The following FHIT variants were observed in gnomAD, a reference collection of about 807,000 sequenced individuals.
FHIT encodes bis(5'-adenosyl)-triphosphatase.
FHIT carries 19 observed loss-of-function variants against 17.9 expected under a neutral mutation model. The ratio of observed to expected loss-of-function variants is 1.06; its 90% CI spans 0.74 to 1.56. FHIT has a LOEUF of 1.56. Among genes scored for constraint, FHIT ranks in the 40% most tolerant of loss-of-function variants. The probability of loss-of-function intolerance (pLI) is 0.00; values close to 1 mark genes in which losing one functional copy is unlikely to be tolerated. For synonymous variants in FHIT, 81 were observed against 69.7 expected (o/e 1.16, Z -0.81); for missense variants, 248 against 189.2 (o/e 1.31, Z -1.82).
rs371088585 is a variant in FHIT, at chr3:60,554,448, C to G, written c.-17-17469G>C. Among the ~76,000 whole-genome samples, 10 of 152,242 alleles carry G rather than the reference C, an allele frequency of 6.6e-5. No homozygotes were observed. In the South Asian group the frequency reaches 1.0e-3, roughly 16 times the overall value. On this transcript the variant is annotated intron_variant, in intron 4 of 9. Transcript: ENST00000492590. ...AGTCTCTATACCATCAAAAAATCCA[C>G]AGATATCACAGATATTCATCTCCAT...
chr3:59,801,057 T>A (rs977235252), intron 8 of FHIT, among the ~76,000 whole-genome samples: 3 of 152,112 alleles, frequency 2.0e-5, no homozygotes, highest in Non-Finnish European at 4.4e-5. Flanking sequence ...AACATTAGAC[T>A]TTTGTGAAAC....
chr3:61,034,502 C>T (rs916471731), intron 3 of FHIT, among the ~76,000 whole-genome samples: 11 of 152,196 alleles, frequency 7.2e-5, no homozygotes, highest in East Asian at 1.9e-4. Context: ...CCAGAAAAAA[C>T]ATGCAAATAG....
chr3:60,036,457 C>T (rs1419645491), intron 5 of FHIT, among the ~76,000 whole-genome samples: 1 of 152,188 alleles, frequency 6.6e-6, no homozygotes, highest in Non-Finnish European at 1.5e-5. Context: ...TTGAACAAGG[C>T]TGTCTGTATA....
chr3:60,263,553 G>A (rs530464516), intron 5 of FHIT, among the ~76,000 whole-genome samples: 5 of 151,794 alleles, frequency 3.3e-5, no homozygotes, highest in Non-Finnish European at 7.4e-5. Context: ...AGGAGAAAAG[G>A]CCCCAGGAAC....
In FHIT at chr3:60,779,592, CT is replaced by C. The variant is rs1223011573; in HGVS notation, c.-18+42326del. Among the ~76,000 whole-genome samples, 3 of 152,134 alleles carry C rather than the reference CT, an allele frequency of 2.0e-5. No individual in the cohort carries two copies. In the East Asian group the frequency reaches 5.8e-4, roughly 29 times the overall value. On this transcript the variant is annotated intron_variant, in intron 4 of 9. Coordinates refer to ENST00000492590, the MANE Select transcript of FHIT (RefSeq NM_002012.4). ...TTATCTGGGTGTGTCACAAGACATC[CT>C]TTTCTCTCTCTTGTTGGAGGAGAAC...
At chr3:60,300,011 T>C (rs1708382927) in intron 5 of FHIT, among the ~76,000 whole-genome samples, 1 of 152,086 alleles carries the variant, frequency 6.6e-6, no homozygotes, top group African/African-American at 2.4e-5. Flanking sequence ...CTCTGTCAGC[T>C]AAGGGTTACT....
At chr3:60,624,860 A>G (rs565944816) in intron 4 of FHIT, among the ~76,000 whole-genome samples, 7 of 151,748 alleles carry the variant, frequency 4.6e-5, no homozygotes, top group East Asian at 3.9e-4. Context: ...ATGTTTGTCC[A>G]TTCAGAAATT....
At chr3:60,507,733 T>A (rs1185677238) in intron 5 of FHIT, among the ~76,000 whole-genome samples, 1 of 152,150 alleles carries the variant, frequency 6.6e-6, no homozygotes, top group Non-Finnish European at 1.5e-5. Context: ...GTCCTTGTGT[T>A]CTCATCATTT....
At position 60,019,928 on chromosome 3, in the gene FHIT, C is replaced by T. The variant is rs117664485; in HGVS notation, c.104-5776G>A. On this transcript the variant is annotated intron_variant, in intron 5 of 9. Transcript: ENST00000492590. Reference sequence around the variant, plus strand: ...TCTGCCACTATTTTCCAATGGTAAACTTATGGCAGAATAATCGACCACAGA... The same window carrying T: ...TCTGCCACTATTTTCCAATGGTAAATTTATGGCAGAATAATCGACCACAGA... 2.6e-4 allele frequency among the ~76,000 whole-genome samples: 39 copies of T among 152,304 alleles called. No homozygotes were observed. The East Asian group carries it at 6.8e-3, about 26-fold the overall frequency.
intron 3 of FHIT, among the ~76,000 whole-genome samples, chr3:61,034,073 A>T (rs2033131066): frequency 6.6e-6 from 1 of 152,192 alleles, no homozygotes; most frequent in South Asian, 2.1e-4. Flanking sequence ...CATGCCAAGA[A>T]TAAAGCTGGA....
chr3:60,125,463 C>T (rs1705498615), intron 5 of FHIT, among the ~76,000 whole-genome samples: 1 of 151,992 alleles, frequency 6.6e-6, no homozygotes. Context: ...GAAACCCCAT[C>T]TCTACTAAAA....
At chr3:60,589,041 C>G (rs2037996303) in intron 4 of FHIT, among the ~76,000 whole-genome samples, 1 of 152,026 alleles carries the variant, frequency 6.6e-6, no homozygotes, top group African/African-American at 2.4e-5. Flanking sequence ...CCTATGGGTT[C>G]TACCGGGCAG....
intron 4 of FHIT, among the ~76,000 whole-genome samples, chr3:60,614,722 T>C (rs1553675002): frequency 1.3e-5 from 2 of 151,890 alleles, no homozygotes; most frequent in Non-Finnish European, 2.9e-5. Flanking sequence ...CCCATCCTAC[T>C]GGACCTGAAG....
At chr3:61,097,977 G>A (rs2035695384) in intron 2 of FHIT, among the ~76,000 whole-genome samples, 1 of 152,026 alleles carries the variant, frequency 6.6e-6, no homozygotes, top group Non-Finnish European at 1.5e-5. Context: ...GTCAATTTTT[G>A]CTTTTGTTGC....
At chr3:60,439,761 A>G (rs1203121502) in intron 5 of FHIT, among the ~76,000 whole-genome samples, 1 of 152,152 alleles carries the variant, frequency 6.6e-6, no homozygotes, top group Non-Finnish European at 1.5e-5. Flanking sequence ...GCAGAAGTGC[A>G]GGCATATATC....
At chr3:60,095,966 TGAG>T (rs772786990) in intron 5 of FHIT, among the ~76,000 whole-genome samples, 30 of 151,888 alleles carry the variant, frequency 2.0e-4, no homozygotes, top group Non-Finnish European at 3.8e-4. Context: ...TGGCTGGCTT[TGAG>T]AAGAAGGGAA....
chr3:60,445,840 C>T (rs563991778), intron 5 of FHIT, among the ~76,000 whole-genome samples: 1 of 152,028 alleles, frequency 6.6e-6, no homozygotes, highest in South Asian at 2.1e-4. Flanking sequence ...CCTGTTATCC[C>T]TCTACTCATC....
At chr3:60,844,908 G>A (rs1553746037) in intron 3 of FHIT, among the ~76,000 whole-genome samples, 4 of 152,010 alleles carry the variant, frequency 2.6e-5, no homozygotes, top group Non-Finnish European at 5.9e-5. Flanking sequence ...TTTTCCCTGA[G>A]GGTGCATATT....
At chr3:60,568,225 A>G (rs2037212171) in intron 4 of FHIT, among the ~76,000 whole-genome samples, 3 of 152,208 alleles carry the variant, frequency 2.0e-5, no homozygotes, top group African/African-American at 7.2e-5. Context: ...CAACAATGAT[A>G]GACTGGATTA....
Sources: gnomAD v4.1 joint callset for allele counts (sites outside exome capture counted in the v4.1 genomes callset) on GRCh38, gnomAD v4.1.1 for gene constraint, MANE v1.5 for transcripts, NCBI Gene and HGNC (gene_info 2026-07-23, HGNC 2026-07-21) for gene names.